ENPP6: variants seen among roughly 807,000 people sequenced by gnomAD.
ENPP6 encodes the protein glycerophosphocholine cholinephosphodiesterase ENPP6.
ENPP6 carries 32 observed loss-of-function variants against 42.0 expected under a neutral mutation model. That is an observed-to-expected ratio of 0.76 (90% CI 0.58 to 1.02). The LOEUF is 1.02. Ranked by LOEUF, ENPP6 falls within the 50% of genes least tolerant of loss-of-function variation. The pLI is 0.00. For missense variants in ENPP6, 552 were observed against 566.8 expected (o/e 0.97, Z 0.27); for synonymous variants, 213 against 216.0 (o/e 0.99, Z 0.12).
intron 3 of ENPP6, among the ~76,000 whole-genome samples, chr4:184,119,488 G>A (rs1736380116): frequency 6.6e-6 from 1 of 152,018 alleles, no homozygotes; most frequent in African/African-American, 2.4e-5. Context: ...TCTTAATTTT[G>A]AAAATTCTCT....
intron 1 of ENPP6, among the ~76,000 whole-genome samples, chr4:184,159,723 T>G (rs1737231381): frequency 6.6e-6 from 1 of 152,186 alleles, no homozygotes; most frequent in Non-Finnish European, 1.5e-5. Context: ...TCTTTAGTGG[T>G]GATTTCTGAG....
intron 5 of ENPP6, among the ~76,000 whole-genome samples, chr4:184,113,154 C>A (rs1736231788): frequency 6.6e-6 from 1 of 152,130 alleles, no homozygotes; most frequent in Non-Finnish European, 1.5e-5. Flanking sequence ...AGAAAGAATT[C>A]ATGGTGTGGT....
chr4:184,134,523 C>T (rs993480949), intron 2 of ENPP6, among the ~76,000 whole-genome samples: 3 of 152,050 alleles, frequency 2.0e-5, no homozygotes, highest in Non-Finnish European at 4.4e-5. Flanking sequence ...ATTGGTGTAA[C>T]ATTTTCACAC....
intron 6 of ENPP6, among the ~76,000 whole-genome samples, chr4:184,098,327 G>A (rs1353851551): frequency 6.6e-6 from 1 of 152,204 alleles, no homozygotes; most frequent in African/African-American, 2.4e-5. Flanking sequence ...TCCAGGTATT[G>A]TTGTCAGCAT....
rs113128023 is a variant in ENPP6 at position 184,123,378 on chromosome 4, C to T, written c.533+783G>A. On this transcript the variant is annotated intron_variant, in intron 3 of 7. Transcript: ENST00000296741. ...TTCTTGGGGGGATGAAGGTCCTGTC[C>T]CCAGCCTCTTTGCTCTGATTATGGT... Among the ~76,000 whole-genome samples the T allele has an allele frequency of 5.0e-3, 757 of 152,142 alleles. 10 individuals carry two copies. Among genetic ancestry groups the T allele is most frequent in the African/African-American group, 0.017 (722 of 41,502 alleles).
intron 1 of ENPP6, among the ~76,000 whole-genome samples, chr4:184,154,052 T>C (rs1430078953): frequency 6.6e-6 from 1 of 152,178 alleles, no homozygotes; most frequent in Non-Finnish European, 1.5e-5. Context: ...CATGGACATC[T>C]GTGGATTCCT....
chr4:184,187,593 G>A (rs956584179), intron 1 of ENPP6, among the ~76,000 whole-genome samples: 2 of 152,100 alleles, frequency 1.3e-5, no homozygotes, highest in East Asian at 1.9e-4. Context: ...TCAGGTCTCT[G>A]CTCAAATTTT....
intron 2 of ENPP6, among the ~76,000 whole-genome samples, chr4:184,139,515 C>T (rs1327998382): frequency 7.9e-6 from 1 of 126,492 alleles, no homozygotes; most frequent in South Asian, 3.0e-4. Context: ...CCTCCCCCCA[C>T]CCCACAATAG....
intron 6 of ENPP6, among the ~76,000 whole-genome samples, chr4:184,100,587 A>G (rs1013992308): frequency 6.6e-6 from 1 of 152,222 alleles, no homozygotes; most frequent in African/African-American, 2.4e-5. Flanking sequence ...TGGGGCCTCT[A>G]AGTGGGATCC....
chr4:184,189,878 G>A (rs1732691183), intron 1 of ENPP6, among the ~76,000 whole-genome samples: 1 of 152,202 alleles, frequency 6.6e-6, no homozygotes, highest in African/African-American at 2.4e-5. Flanking sequence ...CCCAGGATCA[G>A]CATGTGAGCA....
intron 1 of ENPP6, among the ~76,000 whole-genome samples, chr4:184,158,066 A>G (rs973041657): frequency 1.8e-4 from 28 of 152,110 alleles, no homozygotes; most frequent in Admixed American, 8.5e-4. Context: ...TCCACTCAAC[A>G]TGTATTTATT....
intron 1 of ENPP6, among the ~76,000 whole-genome samples, chr4:184,161,010 CACAAAAACAAACACA>C (rs1402169986): frequency 3.9e-5 from 6 of 152,062 alleles, no homozygotes; most frequent in African/African-American, 1.4e-4. Flanking sequence ...TGACAGAGAA[CACAAAAACAAACACA>C]ACAAAAACAA....
chr4:184,180,230 C>T (rs1004890814), intron 1 of ENPP6, among the ~76,000 whole-genome samples: 1 of 152,116 alleles, frequency 6.6e-6, no homozygotes, highest in African/African-American at 2.4e-5. Context: ...ACTATAAATA[C>T]CCCTATGCAA....
At chr4:184,147,198 C>A (rs1236631432) in intron 2 of ENPP6, among the ~76,000 whole-genome samples, 1 of 152,160 alleles carries the variant, frequency 6.6e-6, no homozygotes, top group African/African-American at 2.4e-5. Context: ...CCGTCCAATC[C>A]CTTACTCCCA....
At chr4:184,118,832 C>A (rs1045581336) in intron 3 of ENPP6, among the ~76,000 whole-genome samples, 4 of 152,170 alleles carry the variant, frequency 2.6e-5, no homozygotes, top group African/African-American at 7.2e-5. Flanking sequence ...CTCTAAGGTC[C>A]AGGAACCATT....
chr4:184,213,818 T>C (rs1374210384), intron 1 of ENPP6, among the ~76,000 whole-genome samples: 2 of 140,104 alleles, frequency 1.4e-5, no homozygotes, highest in African/African-American at 2.6e-5. Context: ...TTATTCACAA[T>C]AGCAAAGACT....
At chr4:184,175,433 A>G (rs1737543978) in intron 1 of ENPP6, among the ~76,000 whole-genome samples, 1 of 152,166 alleles carries the variant, frequency 6.6e-6, no homozygotes, top group South Asian at 2.1e-4. Context: ...ATTAATGGAG[A>G]GAGCATACCT....
intron 4 of ENPP6, among the ~76,000 whole-genome samples, chr4:184,117,318 T>G (rs939400555): frequency 6.6e-6 from 1 of 152,194 alleles, no homozygotes; most frequent in Non-Finnish European, 1.5e-5. Context: ...TTCAACAAAT[T>G]TGTGTGCTGG....
rs1288964188 is a variant in ENPP6, at chr4:184,112,733, T to C, written c.932A>G (p.Lys311Arg). The part of the protein sequence containing the change: ...KEAIPSRFYY[K>R]KGKFVSPLTL... Reference sequence around the variant, plus strand: ...CAAAGGAGAGACAAACTTTCCTTTCTTGTAATAGAACCTGCTTGGGATGGC... The same window carrying C: ...CAAAGGAGAGACAAACTTTCCTTTCCTGTAATAGAACCTGCTTGGGATGGC... The change falls in exon 6 of 8, where the codon AAG becomes AGG. Residue 311 changes from lysine (K) to arginine (R), a missense_variant. Physicochemically the swap from Lys to Arg is conservative, Grantham distance 26. Transcript: ENST00000296741. 1 of 1,614,190 alleles carries C rather than the reference T, an allele frequency of 6.2e-7. No individual in the cohort carries two copies. Among genetic ancestry groups the C allele is most frequent in the African/African-American group, 1.3e-5 (1 of 75,054 alleles).
Sources: allele counts gnomAD v4.1 joint callset (sites outside exome capture counted in the v4.1 genomes callset), GRCh38; gene constraint gnomAD v4.1.1; transcripts MANE v1.5; gene names NCBI Gene and HGNC (gene_info 2026-07-23, HGNC 2026-07-21).